Variants in MAST4 observed in about 807,000 individuals in gnomAD.
MAST4 encodes the protein microtubule-associated serine/threonine-protein kinase 4.
MAST4 carries 89 observed loss-of-function variants against 162.7 expected under a neutral mutation model. That is an observed-to-expected ratio of 0.55 (90% CI 0.46 to 0.65). MAST4 has a LOEUF of 0.65. Among genes scored for constraint, MAST4 ranks in the 30% least tolerant of loss-of-function variants. The pLI is 0.00. For synonymous variants in MAST4, 1,479 were observed against 1,361.1 expected (o/e 1.09, Z -1.91); for missense variants, 3,153 against 3,374.0 (o/e 0.93, Z 1.62).
At chr5:66,937,309 A>G (rs2150091113) in intron 4 of MAST4, among the ~76,000 whole-genome samples, 1 of 152,346 alleles carries the variant, frequency 6.6e-6, no homozygotes, top group South Asian at 2.1e-4. Context: ...AGGGTACCTC[A>G]GTGCACGCTC....
chr5:67,004,441 G>A (rs1168978476), intron 4 of MAST4, among the ~76,000 whole-genome samples: 1 of 152,230 alleles, frequency 6.6e-6, no homozygotes, highest in Non-Finnish European at 1.5e-5. Context: ...CAGGAGGGGA[G>A]GGCAAGAGCA....
chr5:67,092,854 A>G (rs1261547095), intron 6 of MAST4, among the ~76,000 whole-genome samples: 1 of 152,096 alleles, frequency 6.6e-6, no homozygotes, highest in African/African-American at 2.4e-5. Flanking sequence ...TGTCATTTCC[A>G]GATGATCCTG....
chr5:66,897,037 T>C (rs1015337802), intron 3 of MAST4, among the ~76,000 whole-genome samples: 1 of 152,240 alleles, frequency 6.6e-6, no homozygotes, highest in Non-Finnish European at 1.5e-5. Flanking sequence ...CTCTAAAAAA[T>C]GTTAAATGTC....
At chr5:66,901,103 A>C (rs1257884738) in intron 4 of MAST4, among the ~76,000 whole-genome samples, 2 of 152,146 alleles carry the variant, frequency 1.3e-5, no homozygotes, top group East Asian at 3.8e-4. Flanking sequence ...CGAAACTTGG[A>C]AAAGTCCAAA....
At chr5:66,765,347 G>A (rs554883512) in intron 2 of MAST4, among the ~76,000 whole-genome samples, 2 of 152,218 alleles carry the variant, frequency 1.3e-5, no homozygotes, top group African/African-American at 4.8e-5. Flanking sequence ...AAATGGTGTA[G>A]TATTTGCATG....
At chr5:66,821,408 G>A (rs912773318) in intron 3 of MAST4, among the ~76,000 whole-genome samples, 1 of 152,036 alleles carries the variant, frequency 6.6e-6, no homozygotes, top group Admixed American at 6.6e-5. Flanking sequence ...TGTGGTTTTG[G>A]TATTTGTTCC....
At chr5:66,825,548 G>A (rs528646441) in intron 3 of MAST4, among the ~76,000 whole-genome samples, 12 of 145,336 alleles carry the variant, frequency 8.3e-5, no homozygotes, top group Non-Finnish European at 1.1e-4. Context: ...CTCAATATAC[G>A]CTTTTTTGAA....
chr5:66,667,198 A>C (rs1477879602), intron 1 of MAST4, among the ~76,000 whole-genome samples: 1 of 152,158 alleles, frequency 6.6e-6, no homozygotes, highest in East Asian at 1.9e-4. Flanking sequence ...TTAGACCATG[A>C]GTTATATATC....
chr5:67,104,685 G>T, intron 10 of MAST4, 110 bp downstream of exon 10: 2 of 508,664 alleles, frequency 3.9e-6, no homozygotes, highest in South Asian at 4.3e-5. Context: ...TTCCAGAGAA[G>T]CAAAAAAGAA....
intron 4 of MAST4, among the ~76,000 whole-genome samples, chr5:66,966,486 G>A (rs2150180282): frequency 6.6e-6 from 1 of 152,340 alleles, no homozygotes; most frequent in East Asian, 1.9e-4. Flanking sequence ...AGGGTTTGCA[G>A]GAGGATCTGC....
chr5:67,100,668 C>T, intron 8 of MAST4, 76 bp downstream of exon 8: 1 of 1,558,208 alleles, frequency 6.4e-7, no homozygotes, highest in Non-Finnish European at 8.8e-7. Flanking sequence ...CACTTCGGTC[C>T]TTTAGGTCAT....
chr5:66,835,665 T>C (rs558247151), intron 3 of MAST4, among the ~76,000 whole-genome samples: 1 of 152,344 alleles, frequency 6.6e-6, no homozygotes, highest in Admixed American at 6.5e-5. Context: ...AATCATTTTG[T>C]TGTTAGCACT....
chr5:66,745,996 G>A (rs1752735284), intron 1 of MAST4, among the ~76,000 whole-genome samples: 1 of 152,182 alleles, frequency 6.6e-6, no homozygotes, highest in African/African-American at 2.4e-5. Flanking sequence ...GGTTGTGGGT[G>A]TAGAAATTTG....
At chr5:66,901,118 T>C (rs1346919116) in intron 4 of MAST4, among the ~76,000 whole-genome samples, 1 of 152,140 alleles carries the variant, frequency 6.6e-6, no homozygotes, top group African/African-American at 2.4e-5. Context: ...TCCAAACTTT[T>C]TGATATTTCC....
chr5:66,724,185 C>A (rs1252492128), intron 1 of MAST4, among the ~76,000 whole-genome samples: 1 of 152,160 alleles, frequency 6.6e-6, no homozygotes, highest in Non-Finnish European at 1.5e-5. Context: ...GAGCTCAGTT[C>A]ACTGTATTCT....
intron 3 of MAST4, among the ~76,000 whole-genome samples, chr5:66,826,094 C>T (rs555056938): frequency 1.2e-4 from 19 of 152,218 alleles, no homozygotes; most frequent in East Asian, 1.9e-4. Flanking sequence ...CTATTCCCTC[C>T]GCTAAGCCAT....
At chr5:66,789,871 G>C in intron 3 of MAST4, 1 of 447,362 alleles carries the variant, frequency 2.2e-6, no homozygotes. Context: ...TTTGAAAATG[G>C]TGATTTTTCC....
At chr5:67,150,870 G>C (rs1771712063) in intron 24 of MAST4, among the ~76,000 whole-genome samples, 1 of 152,170 alleles carries the variant, frequency 6.6e-6, no homozygotes, top group African/African-American at 2.4e-5. Context: ...TGAAGTCAGA[G>C]AGGGAAGGAG....
intron 3 of MAST4, among the ~76,000 whole-genome samples, chr5:66,806,717 A>G (rs983880952): frequency 6.6e-6 from 1 of 152,190 alleles, no homozygotes; most frequent in East Asian, 1.9e-4. Flanking sequence ...ATAATATACA[A>G]CCATTCTTAA....
Sources: gnomAD v4.1 joint callset for allele counts (sites outside exome capture counted in the v4.1 genomes callset) on GRCh38, gnomAD v4.1.1 for gene constraint, MANE v1.5 for transcripts, NCBI Gene and HGNC (gene_info 2026-07-23, HGNC 2026-07-21) for gene names.